WDR7: variants seen among roughly 807,000 people sequenced by gnomAD.
WDR7 encodes the protein WD repeat domain 7, also known as WD repeat-containing protein 7.
Under a neutral mutation model 169.4 loss-of-function variants are expected in WDR7, and 46 were observed. That is an observed-to-expected ratio of 0.27 (90% CI 0.21 to 0.35). The LOEUF is 0.35. Among genes scored for constraint, WDR7 ranks in the 10% least tolerant of loss-of-function variants. WDR7 has a pLI of 1.00. For synonymous variants in WDR7, 612 were observed against 666.8 expected (o/e 0.92, Z 1.27); for missense variants, 1,534 against 1,859.3 (o/e 0.83, Z 3.22).
At chr18:56,726,473 G>C (rs2026458002) in intron 13 of WDR7, among the ~76,000 whole-genome samples, 1 of 152,162 alleles carries the variant, frequency 6.6e-6, no homozygotes, top group African/African-American at 2.4e-5. Flanking sequence ...CAGAATATAA[G>C]AATGCCTGTG....
At chr18:56,876,998 C>T (rs1357385279) in intron 20 of WDR7, among the ~76,000 whole-genome samples, 3 of 151,986 alleles carry the variant, frequency 2.0e-5, no homozygotes. Context: ...CCTTGGGAAA[C>T]ATAGTGAAAC....
At position 56,718,023 on chromosome 18, in the gene WDR7, T is replaced by G; in HGVS notation, c.1638T>G (p.Ser546Arg). 1.2e-6 allele frequency: 2 copies of G among 1,614,146 alleles called. No individual in the cohort carries two copies. Among genetic ancestry groups the G allele is most frequent in the Non-Finnish European group, 1.7e-6 (2 of 1,180,002 alleles). ...VASDHSVGLL[S>R]LREKKCIMLA... ...GTGACCACTCAGTAGGACTTCTAAG[T>G]TTGCGAGAGAAAAAATGCATAATGT... Residue 546 changes from serine (S) to arginine (R), a missense_variant, in exon 13 of 28, where the codon AGT (serine) becomes AGG (arginine). Transcript: ENST00000254442.
At chr18:56,794,304 A>ATGTTTTTTTTTTTTT (rs2044543467) in intron 19 of WDR7, among the ~76,000 whole-genome samples, 1 of 49,466 alleles carries the variant, frequency 2.0e-5, no homozygotes, top group Non-Finnish European at 3.8e-5. Flanking sequence ...GGTAAAGTCT[A>ATGTTTTTTTTTTTTT]TTTTTTTTTT....
At chr18:56,970,132 A>G (rs2047462724) in intron 26 of WDR7, among the ~76,000 whole-genome samples, 1 of 152,218 alleles carries the variant, frequency 6.6e-6, no homozygotes, top group Non-Finnish European at 1.5e-5. Flanking sequence ...GGTTTAAATA[A>G]GATTAAATCA....
intron 1 of WDR7, among the ~76,000 whole-genome samples, chr18:56,656,082 G>T (rs2024762759): frequency 6.6e-6 from 1 of 152,060 alleles, no homozygotes; most frequent in South Asian, 2.1e-4. Flanking sequence ...TGTGCGTATG[G>T]ATTTAAATTT....
At chr18:56,952,800 G>T (rs1165392253) in intron 25 of WDR7, among the ~76,000 whole-genome samples, 3 of 152,088 alleles carry the variant, frequency 2.0e-5, no homozygotes, top group African/African-American at 4.8e-5. Flanking sequence ...ATGGAGAAAT[G>T]CATATTACTA....
intron 19 of WDR7, among the ~76,000 whole-genome samples, chr18:56,785,971 G>T (rs1381585342): frequency 6.6e-6 from 1 of 151,948 alleles, no homozygotes; most frequent in Non-Finnish European, 1.5e-5. Context: ...TGGCTCTCAG[G>T]ACAGGAGAGC....
intron 1 of WDR7, among the ~76,000 whole-genome samples, chr18:56,658,977 A>G (rs1252152205): frequency 6.6e-6 from 1 of 152,042 alleles, no homozygotes; most frequent in African/African-American, 2.4e-5. Context: ...TGGCCTCCCA[A>G]AGTGCTGGGA....
chr18:56,959,141 G>A (rs2145763962), intron 25 of WDR7, among the ~76,000 whole-genome samples: 1 of 152,158 alleles, frequency 6.6e-6, no homozygotes, highest in Non-Finnish European at 1.5e-5. Context: ...GAGGGCACGA[G>A]CAATGGCAGT....
At chr18:56,751,606 G>A (rs1443002066) in intron 14 of WDR7, among the ~76,000 whole-genome samples, 2 of 152,048 alleles carry the variant, frequency 1.3e-5, no homozygotes, top group Non-Finnish European at 1.5e-5. Context: ...TTTATCTTTT[G>A]CTGTGACATA....
At chr18:56,820,602 C>T (rs944157943) in intron 20 of WDR7, among the ~76,000 whole-genome samples, 1 of 152,006 alleles carries the variant, frequency 6.6e-6, no homozygotes, top group Non-Finnish European at 1.5e-5. Context: ...TTAGTGCTGA[C>T]AGAACTTACA....
At chr18:56,701,785 A>G (rs776589204) in intron 12 of WDR7, among the ~76,000 whole-genome samples, 3 of 152,206 alleles carry the variant, frequency 2.0e-5, no homozygotes, top group Non-Finnish European at 2.9e-5. Context: ...CAAAAGGTAT[A>G]AATATTACTA....
intron 13 of WDR7, among the ~76,000 whole-genome samples, chr18:56,719,962 T>C (rs928175678): frequency 6.6e-6 from 1 of 152,002 alleles, no homozygotes; most frequent in African/African-American, 2.4e-5. Context: ...TGTAAGCTTG[T>C]GTGTGTGTGT....
At chr18:56,888,934 G>A (rs1368987696) in intron 21 of WDR7, among the ~76,000 whole-genome samples, 1 of 152,168 alleles carries the variant, frequency 6.6e-6, no homozygotes, top group East Asian at 1.9e-4. Flanking sequence ...GGCCTCAGTT[G>A]ATTTGGGGGA....
intron 25 of WDR7, among the ~76,000 whole-genome samples, chr18:56,941,198 GTAGAATTACA>G (rs2047031627): frequency 6.6e-6 from 1 of 152,124 alleles, no homozygotes; most frequent in Non-Finnish European, 1.5e-5. Flanking sequence ...CTATGCTGGA[GTAGAATTACA>G]TACCAGGGAC....
intron 14 of WDR7, among the ~76,000 whole-genome samples, chr18:56,732,535 G>A (rs1354597785): frequency 1.3e-5 from 2 of 152,126 alleles, no homozygotes; most frequent in African/African-American, 2.4e-5. Context: ...GCGTGCTGAT[G>A]ATACATGAAA....
intron 20 of WDR7, among the ~76,000 whole-genome samples, chr18:56,818,987 TTAC>T (rs1425543813): frequency 6.6e-6 from 1 of 152,230 alleles, no homozygotes; most frequent in Non-Finnish European, 1.5e-5. Context: ...TATAGTTGTA[TTAC>T]TTTTATTATT....
intron 27 of WDR7, among the ~76,000 whole-genome samples, chr18:57,023,505 C>A (rs2048318519): frequency 6.6e-6 from 1 of 152,178 alleles, no homozygotes; most frequent in African/African-American, 2.4e-5. Flanking sequence ...TAAAACATTT[C>A]CTGTTGTGAT....
chr18:56,826,987 G>A (rs1167077727), intron 20 of WDR7, among the ~76,000 whole-genome samples: 1 of 152,218 alleles, frequency 6.6e-6, no homozygotes, highest in East Asian at 1.9e-4. Context: ...TGACATATAT[G>A]TGCATATTCT....
Sources: gnomAD v4.1 joint callset for allele counts (sites outside exome capture counted in the v4.1 genomes callset) on GRCh38, gnomAD v4.1.1 for gene constraint, MANE v1.5 for transcripts, NCBI Gene and HGNC (gene_info 2026-07-23, HGNC 2026-07-21) for gene names.